FRAS1: variants seen among roughly 807,000 people sequenced by gnomAD.
FRAS1 encodes the protein Fraser extracellular matrix complex subunit 1.
In FRAS1, 290 loss-of-function variants were observed where a neutral mutation model predicts 435.2. The ratio of observed to expected loss-of-function variants is 0.67; its 90% CI spans 0.61 to 0.73. FRAS1 has a LOEUF of 0.73. Among genes scored for constraint, FRAS1 ranks in the 30% least tolerant of loss-of-function variants. The pLI, the probability that FRAS1 is intolerant of heterozygous loss-of-function variation, is 0.00. For missense variants in FRAS1, 4,860 were observed against 5,001.5 expected (o/e 0.97, Z 0.85); for synonymous variants, 1,800 against 1,851.0 (o/e 0.97, Z 0.71).
In FRAS1 at chr4:78,237,171, T is replaced by G. The variant is rs527521916; in HGVS notation, c.109-339T>G. 6.1e-4 allele frequency among the ~76,000 whole-genome samples: 93 copies of G among 152,252 alleles called. 2 individuals are homozygous for G. The South Asian group carries it at 0.019, about 32-fold the overall frequency. On this transcript the variant is annotated intron_variant, in intron 2 of 73. Coordinates refer to ENST00000512123, the MANE Select transcript of FRAS1 (RefSeq NM_025074.7). ...TCATTTTCCTTTAAACGTGCTCCAG[T>G]GGTTTCTGCTAGTTAACAGCAAAGT...
At chr4:78,410,191 T>C (rs1419347902) in intron 31 of FRAS1, among the ~76,000 whole-genome samples, 1 of 152,342 alleles carries the variant, frequency 6.6e-6, no homozygotes, top group East Asian at 1.9e-4. Context: ...GTTATCAATA[T>C]GGAGCACTTC....
Position 78,521,611 on chromosome 4 carries a change from G to A in FRAS1, c.10629G>A (p.Lys3543=). 6.2e-7 allele frequency: 1 copy of A among 1,607,678 alleles called. No homozygotes were observed. The highest frequency in any genetic ancestry group is 2.2e-5 in the East Asian group (1 of 44,626). The change falls in exon 68 of 74, where the codon AAG becomes AAA. Residue 3543 remains lysine, a synonymous_variant. Coordinates refer to ENST00000512123, the MANE Select transcript of FRAS1 (RefSeq NM_025074.7). ...ATGGCCGTCTTGTCATTGAATTCAAGACCCATGCCAAATTCAGAGGTAATA... is the reference window on the plus strand; with the variant it reads ...ATGGCCGTCTTGTCATTGAATTCAAAACCCATGCCAAATTCAGAGGTAATA... ...REDGRLVIEF[K]THAKFRGQFV...
At chr4:78,501,102 G>T (rs1376969422) in intron 61 of FRAS1, among the ~76,000 whole-genome samples, 4 of 152,104 alleles carry the variant, frequency 2.6e-5, no homozygotes, top group Non-Finnish European at 4.4e-5. Flanking sequence ...TCCTCCCAGT[G>T]CTATCCCTCC....
intron 2 of FRAS1, among the ~76,000 whole-genome samples, chr4:78,096,989 G>C (rs763342241): frequency 1.3e-5 from 2 of 152,142 alleles, no homozygotes; most frequent in African/African-American, 2.4e-5. Context: ...TTTATGCTCT[G>C]CTTCCTTTAT....
chr4:78,393,412 C>T lies in FRAS1; in HGVS notation c.3975+5711C>T, dbSNP rs546015904. Reference sequence around the variant, plus strand: ...AATAGTCTATTTTAACTGAAAGTTACGTTTTGACCATCCATCTCCCCGTTT... The same window carrying T: ...AATAGTCTATTTTAACTGAAAGTTATGTTTTGACCATCCATCTCCCCGTTT... On this transcript the variant is annotated intron_variant, in intron 29 of 73. Coordinates refer to ENST00000512123, the MANE Select transcript of FRAS1 (RefSeq NM_025074.7). 4.3e-5 allele frequency among the ~76,000 whole-genome samples: 6 copies of T among 138,162 alleles called. No homozygotes were observed. In the South Asian group the frequency reaches 6.7e-4, roughly 15 times the overall value. 90.6% of individuals were successfully genotyped at this position (138,162 alleles called of 152,430 possible). A position where few individuals can be genotyped will look rare whatever the true frequency, so the allele number is the denominator to read the frequency against.
intron 70 of FRAS1, among the ~76,000 whole-genome samples, chr4:78,528,947 T>C (rs1011696996): frequency 6.6e-6 from 1 of 152,026 alleles, no homozygotes; most frequent in African/African-American, 2.4e-5. Flanking sequence ...GGTCCTGGTG[T>C]GGCTGAGTAA....
intron 2 of FRAS1, among the ~76,000 whole-genome samples, chr4:78,082,720 C>G (rs1740951556): frequency 6.6e-6 from 1 of 152,072 alleles, no homozygotes; most frequent in African/African-American, 2.4e-5. Flanking sequence ...GTTATAGTCT[C>G]TTTGAACTCC....
In FRAS1 at chr4:78,154,625, C is replaced by A. The variant is rs557997086; in HGVS notation, c.109-82885C>A. On this transcript the variant is annotated intron_variant, in intron 2 of 73. Transcript: ENST00000512123. Reference sequence around the variant, plus strand: ...AAAGTGTTACGTTTCTTTTTAGGCTCGCTTTAATTGGATTCATGTAACCAT... The same window carrying A: ...AAAGTGTTACGTTTCTTTTTAGGCTAGCTTTAATTGGATTCATGTAACCAT... Among the ~76,000 whole-genome samples the A allele has an allele frequency of 2.6e-5, 4 of 152,162 alleles. No individual in the cohort carries two copies. The East Asian group carries it at 5.8e-4, about 22-fold the overall frequency.
Position 78,541,203 on chromosome 4 carries a change from C to A in FRAS1, c.*79C>A. Reference sequence around the variant, plus strand: ...AAATACTGGTATTTTTATAATCTCGCAGATAAAAAAGGGAAAACTATAGCT... The same window carrying A: ...AAATACTGGTATTTTTATAATCTCGAAGATAAAAAAGGGAAAACTATAGCT... On this transcript the variant is annotated 3_prime_UTR_variant, in exon 74 of 74. Coordinates refer to ENST00000512123, the MANE Select transcript of FRAS1 (RefSeq NM_025074.7). 1 of 901,826 alleles carries A rather than the reference C, an allele frequency of 1.1e-6. No homozygotes were observed. The highest frequency in any genetic ancestry group is 1.5e-6 in the Non-Finnish European group (1 of 657,614). The allele number at this position is 901,826 out of a possible 1,614,324, so 55.9% of individuals were successfully genotyped here. A position where few individuals can be genotyped will look rare whatever the true frequency, so the allele number is the denominator to read the frequency against.
intron 1 of FRAS1, among the ~76,000 whole-genome samples, chr4:78,060,279 A>T (rs562525519): frequency 6.6e-6 from 1 of 152,334 alleles, no homozygotes; most frequent in South Asian, 2.1e-4. Context: ...ATTGAGATCA[A>T]GGTTGGAAAC....
chr4:78,354,955 G>A (rs190893372), intron 20 of FRAS1, among the ~76,000 whole-genome samples: 2 of 152,310 alleles, frequency 1.3e-5, no homozygotes, highest in African/African-American at 4.8e-5. Context: ...GATCCTTGAA[G>A]CAGAGCCTTT....
At chr4:78,282,747 G>T in intron 11 of FRAS1, 73 bp from the exon 12 acceptor site, 2 of 1,565,638 alleles carry the variant, frequency 1.3e-6, no homozygotes, top group South Asian at 1.2e-5. Flanking sequence ...GAAATTGTAA[G>T]TTCTTCAGCA....
At chr4:78,252,135 T>C (rs944216587) in intron 4 of FRAS1, among the ~76,000 whole-genome samples, 1 of 152,184 alleles carries the variant, frequency 6.6e-6, no homozygotes, top group African/African-American at 2.4e-5. Flanking sequence ...TCTTTTTGTA[T>C]TTTGTATTTA....
intron 3 of FRAS1, among the ~76,000 whole-genome samples, chr4:78,240,488 G>A (rs10020592): frequency 0.27 from 41,082 of 152,074 alleles, 5,895 homozygotes; most frequent in South Asian, 0.51. Context: ...TTGGTTAGCT[G>A]AGTCACCAGC....
At chr4:78,159,889 A>C (rs771581625) in intron 2 of FRAS1, among the ~76,000 whole-genome samples, 14 of 152,184 alleles carry the variant, frequency 9.2e-5, no homozygotes, top group Non-Finnish European at 1.3e-4. Flanking sequence ...TCAAAAAAAC[A>C]AAACAAAAAC....
chr4:78,256,291 A>G (rs988189895), intron 6 of FRAS1, among the ~76,000 whole-genome samples: 1 of 152,238 alleles, frequency 6.6e-6, no homozygotes, highest in Non-Finnish European at 1.5e-5. Flanking sequence ...TACTGTGCTC[A>G]TGTCTCATCT....
chr4:78,065,081 T>TATATATATACACACACAC lies in FRAS1; in HGVS notation c.77-901_77-900insTATATACACACACACATA, dbSNP rs762909923. On this transcript the variant is annotated intron_variant, in intron 1 of 73. Transcript: ENST00000512123. ...GTGTATATATATATATATATATATA[T>TATATATATACACACACAC]ATACATACACACACACACACTAAAT... Among the ~76,000 whole-genome samples, 344 of 125,674 alleles carry TATATATATACACACACAC rather than the reference T, an allele frequency of 2.7e-3. 2 individuals are homozygous for TATATATATACACACACAC. The highest frequency in any genetic ancestry group is 4.3e-3 in the East Asian group (19 of 4,392). The allele number at this position is 125,674 out of a possible 152,430, so 82.4% of individuals were successfully genotyped here.
chr4:78,058,703 A>T (rs768467089), intron 1 of FRAS1, among the ~76,000 whole-genome samples: 8 of 152,172 alleles, frequency 5.3e-5, no homozygotes, highest in Non-Finnish European at 1.2e-4. Flanking sequence ...GTTTAGGTTC[A>T]TTCTTTTACT....
chr4:78,437,093 A>G (rs1734460307), intron 38 of FRAS1, among the ~76,000 whole-genome samples: 1 of 152,234 alleles, frequency 6.6e-6, no homozygotes, highest in Non-Finnish European at 1.5e-5. Flanking sequence ...AAATCATGAC[A>G]GTACTTTCAG....
Sources: allele counts gnomAD v4.1 joint callset (sites outside exome capture counted in the v4.1 genomes callset), GRCh38; gene constraint gnomAD v4.1.1; transcripts MANE v1.5; gene names NCBI Gene and HGNC (gene_info 2026-07-23, HGNC 2026-07-21).